The following NRXN3 variants were observed in gnomAD, a reference collection of about 807,000 sequenced individuals.
NRXN3 encodes the protein neurexin 3.
A neutral mutation model predicts 137.6 loss-of-function variants in NRXN3; 32 were observed. The observed-to-expected ratio is 0.23, with a 90% CI of 0.18 to 0.31. The LOEUF (loss-of-function observed/expected upper bound fraction) is 0.31, where lower values mean the gene tolerates loss of function less well. NRXN3 is among the 10% of genes least tolerant of loss of function. The pLI is 1.00. For missense variants in NRXN3, 1,574 were observed against 2,062.5 expected (o/e 0.76, Z 4.59); for synonymous variants, 798 against 784.5 (o/e 1.02, Z -0.29).
At chr14:78,314,460 G>C (rs987471157) in intron 4 of NRXN3, among the ~76,000 whole-genome samples, 1 of 152,162 alleles carries the variant, frequency 6.6e-6, no homozygotes, top group African/African-American at 2.4e-5. Context: ...CCGTCCTGTA[G>C]CTTTGTCATT....
At chr14:79,240,954 G>T (rs1056381646) in intron 15 of NRXN3, among the ~76,000 whole-genome samples, 2 of 152,054 alleles carry the variant, frequency 1.3e-5, no homozygotes, top group Non-Finnish European at 2.9e-5. Flanking sequence ...CAATTTAAAA[G>T]TGTGTTTGGG....
At chr14:78,569,028 C>T (rs1353783623) in intron 4 of NRXN3, among the ~76,000 whole-genome samples, 14 of 136,960 alleles carry the variant, frequency 1.0e-4, no homozygotes, top group South Asian at 4.6e-4. Flanking sequence ...AGTGCAGTGG[C>T]GCGGTCTTGG....
intron 10 of NRXN3, among the ~76,000 whole-genome samples, chr14:78,891,322 A>G (rs190337553): frequency 7.9e-5 from 12 of 152,070 alleles, no homozygotes; most frequent in Admixed American, 6.6e-5. Context: ...AAGATAAGCA[A>G]TTTGTCTGAG....
intron 19 of NRXN3, among the ~76,000 whole-genome samples, chr14:79,727,054 T>C (rs1486204642): frequency 6.6e-6 from 1 of 152,210 alleles, no homozygotes; most frequent in East Asian, 1.9e-4. Flanking sequence ...ATGTTGCTGG[T>C]ATTATTTTTG....
chr14:78,645,241 C>T lies in NRXN3; in HGVS notation c.879C>T (p.Asn293=), dbSNP rs369075241. The part of the protein sequence containing the change: ...ITLSFKTWQR[N]GLILHTGKSA... ...TCTCCTTTAAGACCTGGCAGCGTAA[C>T]GGCCTCATCCTGCACACGGGCAAGT... is the stretch of plus-strand genomic sequence containing the variant. Residue 293 remains asparagine, a synonymous_variant, in exon 5 of 21, where the codon AAC becomes AAT. Transcript: ENST00000335750. The T allele has an allele frequency of 3.2e-4, 517 of 1,598,818 alleles. No homozygotes were observed. The highest frequency in any genetic ancestry group is 1.1e-3 in the Admixed American group (68 of 60,004).
chr14:78,636,836 A>ATTTTTTT (rs1555410754), intron 4 of NRXN3, among the ~76,000 whole-genome samples: 37 of 151,886 alleles, frequency 2.4e-4, no homozygotes, highest in African/African-American at 8.9e-4. Flanking sequence ...TTTATTTTTT[A>ATTTTTTT]TTTTTTTAGC....
At chr14:78,647,788 A>T (rs1444194226) in intron 5 of NRXN3, among the ~76,000 whole-genome samples, 1 of 152,224 alleles carries the variant, frequency 6.6e-6, no homozygotes, top group Non-Finnish European at 1.5e-5. Flanking sequence ...ATAATATAAG[A>T]TTATTATTTT....
intron 1 of NRXN3, among the ~76,000 whole-genome samples, chr14:78,219,949 G>A (rs534203395): frequency 1.3e-5 from 2 of 151,994 alleles, no homozygotes; most frequent in African/African-American, 4.8e-5. Flanking sequence ...GGGAAGAGGG[G>A]TATAGAAGAG....
chr14:79,780,281 A>G (rs914697948), intron 19 of NRXN3, among the ~76,000 whole-genome samples: 4 of 151,996 alleles, frequency 2.6e-5, no homozygotes, highest in African/African-American at 9.7e-5. Flanking sequence ...ACCAGTTTCA[A>G]ATTTATGTCT....
At chr14:78,650,737 A>G (rs1383570722) in intron 5 of NRXN3, among the ~76,000 whole-genome samples, 1 of 152,224 alleles carries the variant, frequency 6.6e-6, no homozygotes, top group Non-Finnish European at 1.5e-5. Context: ...ACAACCAAAG[A>G]CCAACCCCTA....
intron 16 of NRXN3, among the ~76,000 whole-genome samples, chr14:79,486,070 T>G (rs2096653226): frequency 6.6e-6 from 1 of 152,048 alleles, no homozygotes; most frequent in Admixed American, 6.5e-5. Context: ...TGGCTTAAAA[T>G]TAAGAAACAT....
chr14:78,954,412 G>A (rs1374464096), intron 10 of NRXN3, among the ~76,000 whole-genome samples: 1 of 151,954 alleles, frequency 6.6e-6, no homozygotes, highest in Non-Finnish European at 1.5e-5. Context: ...AATAAGAATT[G>A]TTACTGTTGG....
chr14:79,154,758 A>G (rs1489525101), intron 15 of NRXN3, among the ~76,000 whole-genome samples: 1 of 151,942 alleles, frequency 6.6e-6, no homozygotes, highest in Non-Finnish European at 1.5e-5. Flanking sequence ...ACAGAACACA[A>G]TATAGACTAC....
At chr14:78,590,807 C>T (rs993608570) in intron 4 of NRXN3, among the ~76,000 whole-genome samples, 9 of 152,070 alleles carry the variant, frequency 5.9e-5, no homozygotes, top group East Asian at 3.9e-4. Context: ...TCCAGCTACT[C>T]GGGAAGCTGA....
At chr14:79,445,338 C>CA (rs374678294) in intron 15 of NRXN3, among the ~76,000 whole-genome samples, 23,076 of 130,352 alleles carry the variant, frequency 0.18, 1,960 homozygotes, top group Non-Finnish European at 0.21. Context: ...GACCCCATCT[C>CA]AAAAAAAAAA....
intron 1 of NRXN3, among the ~76,000 whole-genome samples, chr14:78,225,122 G>GTCAAATGGTATTT (rs2064376392): frequency 6.6e-6 from 1 of 152,150 alleles, no homozygotes; most frequent in African/African-American, 2.4e-5. Flanking sequence ...CCCAGTAATG[G>GTCAAATGGTATTT]GATGGCTTGG....
intron 4 of NRXN3, among the ~76,000 whole-genome samples, chr14:78,388,589 A>G (rs935970173): frequency 1.3e-5 from 2 of 152,102 alleles, no homozygotes; most frequent in African/African-American, 4.8e-5. Context: ...ATTTGTTTCC[A>G]TATTTTTTCT....
chr14:78,629,181 T>C (rs1417778710), intron 4 of NRXN3, among the ~76,000 whole-genome samples: 2 of 152,194 alleles, frequency 1.3e-5, no homozygotes. Context: ...ACAGTGATAA[T>C]GATGCTTACT....
intron 15 of NRXN3, among the ~76,000 whole-genome samples, chr14:79,257,376 G>A (rs867773803): frequency 5.9e-4 from 61 of 103,234 alleles, no homozygotes; most frequent in African/African-American, 1.1e-3. Flanking sequence ...GGTGGTGGTG[G>A]TGGTGGTGGT....
Sources: allele counts gnomAD v4.1 joint callset (sites outside exome capture counted in the v4.1 genomes callset), GRCh38; gene constraint gnomAD v4.1.1; transcripts MANE v1.5; gene names NCBI Gene and HGNC (gene_info 2026-07-23, HGNC 2026-07-21).